FURIN: variants seen among roughly 807,000 people sequenced by gnomAD.
FURIN encodes FES upstream region.
Under a neutral mutation model 89.2 loss-of-function variants are expected in FURIN, and 18 were observed. That is an observed-to-expected ratio of 0.20 (90% CI 0.14 to 0.30). The LOEUF (loss-of-function observed/expected upper bound fraction) is 0.30. FURIN is among the 10% of genes least tolerant of loss of function. The pLI is 1.00. For missense variants in FURIN, 879 were observed against 1,100.5 expected (o/e 0.80, Z 2.85); for synonymous variants, 508 against 466.4 (o/e 1.09, Z -1.15).
Position 90,880,948 on chromosome 15 carries a change from C to T in FURIN, c.1700C>T (p.Thr567Ile). 1 of 1,614,002 alleles carries T rather than the reference C, an allele frequency of 6.2e-7. No homozygotes were observed. The change falls in exon 15 of 16, where the codon ACC becomes ATC. Residue 567 changes from threonine (T) to isoleucine (I), a missense_variant. By Grantham distance (89) the Thr-to-Ile change is moderately conservative (BLOSUM62 -1). Transcript: ENST00000268171. Reference sequence around the variant, plus strand: ...GGAACAGGGACGCTGACCAAGTTCACCCTCGTACTCTATGGCACCGCCCCT... The same window carrying T: ...GGAACAGGGACGCTGACCAAGTTCATCCTCGTACTCTATGGCACCGCCCCT... The part of the protein sequence containing the change: ...ANNYGTLTKF[T>I]LVLYGTAPEG...
In FURIN at chr15:90,880,004, T is replaced by C. The variant is rs754957176; in HGVS notation, c.1376+20T>C. 61 of 1,608,932 alleles carry C rather than the reference T, an allele frequency of 3.8e-5. No individual in the cohort carries two copies. Among genetic ancestry groups the C allele is most frequent in the Non-Finnish European group, 5.1e-5 (60 of 1,176,522 alleles). On this transcript the variant is annotated intron_variant, in intron 12 of 15. Transcript: ENST00000268171. ...GCCCAAGTGAGGGCTGGACCCAGGC[T>C]GGGAGGGGGCCAGTGGGACCTGAGA...
chr15:90,869,803 G>A (rs1441267015), intron 1 of FURIN, among the ~76,000 whole-genome samples: 1 of 152,212 alleles, frequency 6.6e-6, no homozygotes, highest in Admixed American at 6.5e-5. Context: ...CTATTTTTCT[G>A]GGCTGACCTT....
At chr15:90,874,814 A>G (rs1567082060) in intron 1 of FURIN, among the ~76,000 whole-genome samples, 1 of 152,238 alleles carries the variant, frequency 6.6e-6, no homozygotes, top group Non-Finnish European at 1.5e-5. Context: ...ACCACCGTTA[A>G]CATTTTTTAG....
In FURIN at chr15:90,881,764, C is replaced by G; in HGVS notation, c.2271C>G (p.Ile757Met). 6.2e-7 allele frequency: 1 copy of G among 1,612,366 alleles called. No individual in the cohort carries two copies. The highest frequency in any genetic ancestry group is 8.5e-7 in the Non-Finnish European group (1 of 1,179,220). The change falls in exon 16 of 16, where the codon ATC becomes ATG. Residue 757 changes from isoleucine (I) to methionine (M), a missense_variant. Ile to Met is a conservative substitution (Grantham distance 10, BLOSUM62 1). This residue lies in a region of FURIN where 457 missense variants were observed against 490.7 expected (regional missense o/e 0.93). Coordinates refer to ENST00000268171, the MANE Select transcript of FURIN (RefSeq NM_002569.4). This position sits in a 1 kb window ranked among gnomAD's most constrained non-coding sequence, Gnocchi z 4.3. The stretch of plus-strand genomic sequence containing the variant: ...TGTACACCATGGACCGTGGCCTCAT[C>G]TCCTACAAGGGGCTGCCCCCTGAAG... ...VKVYTMDRGL[I>M]SYKGLPPEAW...
At position 90,879,428 on chromosome 15, in the gene FURIN, A is replaced by G. The variant is rs757207788; in HGVS notation, c.1054-16A>G. 1.0e-5 allele frequency: 16 copies of G among 1,589,188 alleles called. No individual in the cohort carries two copies. In the South Asian group the frequency reaches 1.5e-4, roughly 15 times the overall value. ...TCCACCCATCACAGGCCCCAATATGATTCTCTTCCTGGCAGGTGACGACTG... is the reference window on the plus strand; with the variant it reads ...TCCACCCATCACAGGCCCCAATATGGTTCTCTTCCTGGCAGGTGACGACTG... On this transcript the variant is annotated splice_polypyrimidine_tract_variant and intron_variant, in intron 9 of 15. Coordinates refer to ENST00000268171, the MANE Select transcript of FURIN (RefSeq NM_002569.4).
At chr15:90,872,303 G>A (rs1390991130) in intron 1 of FURIN, among the ~76,000 whole-genome samples, 1 of 152,148 alleles carries the variant, frequency 6.6e-6, no homozygotes, top group Admixed American at 6.5e-5. Context: ...ACCAAGGGGC[G>A]GCCTGCTTGC....
chr15:90,875,836 C>T lies in FURIN; in HGVS notation c.96C>T (p.Asn32=), dbSNP rs1307538265. 6 of 1,575,822 alleles carry T rather than the reference C, an allele frequency of 3.8e-6. No homozygotes were observed. Among genetic ancestry groups the T allele is most frequent in the African/African-American group, 1.3e-5 (1 of 74,608 alleles). ...ADAQGQKVFT[N]TWAVRIPGGP... Reference sequence around the variant, plus strand: ...CTCAGGGCCAGAAGGTCTTCACCAACACGTGGGCTGTGCGCATCCCTGGAG... The same window carrying T: ...CTCAGGGCCAGAAGGTCTTCACCAATACGTGGGCTGTGCGCATCCCTGGAG... Residue 32 remains asparagine, a synonymous_variant, in exon 2 of 16, where the codon AAC becomes AAT. Transcript: ENST00000268171.
Position 90,876,523 on chromosome 15 carries a change from C to T in FURIN, c.338C>T (p.Pro113Leu). The T allele has an allele frequency of 1.2e-6, 2 of 1,613,884 alleles. No individual in the cohort carries two copies. The highest frequency in any genetic ancestry group is 1.7e-6 in the Non-Finnish European group (2 of 1,179,762). ...ACTAAACGGGACGTGTACCAGGAGC[C>T]CACAGACCCCAAGTTTCCTCAGCAG... is the stretch of plus-strand genomic sequence containing the variant. ...RRTKRDVYQE[P>L]TDPKFPQQWY... The change falls in exon 4 of 16, where the codon CCC (proline) becomes CTC (leucine). Residue 113 changes from proline (P) to leucine (L), a missense_variant. By Grantham distance (98) the Pro-to-Leu change is moderately conservative. Around this residue, in one of 5 missense-constraint regions of FURIN, gnomAD observed 139 missense variants for 215.0 expected, o/e 0.65. Transcript: ENST00000268171. This position sits in a 1 kb window ranked among gnomAD's most constrained non-coding sequence, Gnocchi z 5.0.
Position 90,868,637 on chromosome 15 carries a change from T to C in FURIN, c.-234T>C, listed in dbSNP as rs2031153943. Reference sequence around the variant, plus strand: ...CTGTGAAGGGATAGGAGCCTGACTGTTGCAGCTGCAGTGAGTGGCGGGGAA... The same window carrying C: ...CTGTGAAGGGATAGGAGCCTGACTGCTGCAGCTGCAGTGAGTGGCGGGGAA... On this transcript the variant is annotated 5_prime_UTR_variant, in exon 1 of 16. Transcript: ENST00000268171. 1 of 152,252 alleles carries C rather than the reference T, an allele frequency of 6.6e-6. No homozygotes were observed. Among genetic ancestry groups the C allele is most frequent in the Non-Finnish European group, 1.5e-5 (1 of 68,070 alleles). The allele number at this position is 152,252 out of a possible 1,614,324, so 9.4% of individuals were successfully genotyped here.
intron 8 of FURIN, 24 bp downstream of exon 8, chr15:90,878,328 C>T (rs1170028924): frequency 1.9e-6 from 3 of 1,546,630 alleles, no homozygotes; most frequent in African/African-American, 2.7e-5. Context: ...CTGTCCAGCC[C>T]CTGCGGGCAG....
chr15:90,876,386 C>G lies in FURIN; in HGVS notation c.276+33C>G, dbSNP rs773205181. 2 of 1,524,600 alleles carry G rather than the reference C, an allele frequency of 1.3e-6. No homozygotes were observed. Among genetic ancestry groups the G allele is most frequent in the Non-Finnish European group, 1.8e-6 (2 of 1,098,850 alleles). The allele number at this position is 1,524,600 out of a possible 1,614,324, so 94.4% of individuals were successfully genotyped here. On this transcript the variant is annotated intron_variant, in intron 3 of 15. Coordinates refer to ENST00000268171, the MANE Select transcript of FURIN (RefSeq NM_002569.4). This position sits in a 1 kb window ranked among gnomAD's most constrained non-coding sequence, Gnocchi z 5.0. ...TGGCCCCAGCCCCCTCCTGCTGCCA[C>G]CCTCCCCCTCCTGCTCTCAGGAGCC...
rs372083339 is a variant in FURIN, at chr15:90,881,521, C to G, written c.2028C>G (p.Ser676=). The change falls in exon 16 of 16, where the codon TCC becomes TCG. Residue 676 remains serine (S), a synonymous_variant. Coordinates refer to ENST00000268171, the MANE Select transcript of FURIN (RefSeq NM_002569.4). This position sits in a 1 kb window ranked among gnomAD's most constrained non-coding sequence, Gnocchi z 4.3. Reference sequence around the variant, plus strand: ...TGGACCCTGTGGAGCAGACTTGCTCCCGGCAAAGCCAGAGCAGCCGAGAGT... The same window carrying G: ...TGGACCCTGTGGAGCAGACTTGCTCGCGGCAAAGCCAGAGCAGCCGAGAGT... ...ASLDPVEQTC[S]RQSQSSRESP... 6.8e-6 allele frequency: 11 copies of G among 1,611,674 alleles called. 1 individual carries two copies. Among genetic ancestry groups the G allele is most frequent in the East Asian group, 4.5e-5 (2 of 44,860 alleles).
At chr15:90,875,028 AC>A (rs1263070650) in intron 1 of FURIN, among the ~76,000 whole-genome samples, 5 of 120,522 alleles carry the variant, frequency 4.1e-5, no homozygotes. Flanking sequence ...CTTCTGTTAC[AC>A]TTTTTTTTTT....
chr15:90,878,711 C>T (rs2151225666), intron 8 of FURIN, 53 bp from the exon 9 acceptor site: 1 of 1,098,390 alleles, frequency 9.1e-7, no homozygotes, highest in Non-Finnish European at 1.4e-6. Flanking sequence ...GTCCTCCTGC[C>T]AGCCCTCCCT....
Position 90,876,912 on chromosome 15 carries a change from G to C in FURIN, c.389G>C (p.Arg130Pro). ...QQWYLSGVTQ[R>P]DLNVKAAWAQ... The stretch of plus-strand genomic sequence containing the variant: ...TCTCCACAGTCTGGTGTCACTCAGC[G>C]GGACCTGAATGTGAAGGCGGCCTGG... The change falls in exon 5 of 16, where the codon CGG becomes CCG. Residue 130 changes from arginine to proline, a missense_variant. Arg to Pro is a moderately radical substitution (Grantham distance 103). This residue lies in a region of FURIN where 139 missense variants were observed against 215.0 expected (regional missense o/e 0.65). Transcript: ENST00000268171. This position sits in a 1 kb window ranked among gnomAD's most constrained non-coding sequence, Gnocchi z 5.0. 4 of 1,614,128 alleles carry C rather than the reference G, an allele frequency of 2.5e-6. No homozygotes were observed. Among genetic ancestry groups the C allele is most frequent in the Middle Eastern group, 1.6e-4 (1 of 6,062 alleles).
Position 90,881,179 on chromosome 15 carries a change from G to A in FURIN, c.1793-107G>A, listed in dbSNP as rs1225718892. 1 of 1,112,360 alleles carries A rather than the reference G, an allele frequency of 9.0e-7. No homozygotes were observed. Among genetic ancestry groups the A allele is most frequent in the Non-Finnish European group, 1.3e-6 (1 of 757,430 alleles). 68.9% of individuals were successfully genotyped at this position (1,112,360 alleles called of 1,614,324 possible). On this transcript the variant is annotated intron_variant, in intron 15 of 15. Coordinates refer to ENST00000268171, the MANE Select transcript of FURIN (RefSeq NM_002569.4). The surrounding 1 kb of genome is among the most constrained non-coding windows in gnomAD (Gnocchi z 4.3). ...GGCTCTTGGGATGACCACAGTCCTG[G>A]GGCTGGAGGATCCTGGGGATGTGGT... is the stretch of plus-strand genomic sequence containing the variant.
intron 1 of FURIN, chr15:90,872,816 C>G (rs1459073408): frequency 1.3e-5 from 2 of 152,252 alleles, no homozygotes; most frequent in Non-Finnish European, 2.9e-5. Context: ...GATTGGGTGT[C>G]CGAGTGGCCC....
In FURIN at chr15:90,881,978, G is replaced by A; in HGVS notation, c.*100G>A. 1.1e-6 allele frequency: 1 copy of A among 886,314 alleles called. No individual in the cohort carries two copies. The highest frequency in any genetic ancestry group is 1.7e-6 in the Non-Finnish European group (1 of 571,572). The allele number at this position is 886,314 out of a possible 1,614,324, so 54.9% of individuals were successfully genotyped here. A position where few individuals can be genotyped will look rare whatever the true frequency, so the allele number is the denominator to read the frequency against. ...TTGGGACTGGGTTTGGACCCCAGCTGGGAGGCAAGAGGGGTGGAGACTGCT... is the reference window on the plus strand; with the variant it reads ...TTGGGACTGGGTTTGGACCCCAGCTAGGAGGCAAGAGGGGTGGAGACTGCT... On this transcript the variant is annotated 3_prime_UTR_variant, in exon 16 of 16. Transcript: ENST00000268171. This position sits in a 1 kb window ranked among gnomAD's most constrained non-coding sequence, Gnocchi z 4.3.
In FURIN at chr15:90,876,498, A is replaced by G; in HGVS notation, c.313A>G (p.Thr105Ala). 1 of 1,613,964 alleles carries G rather than the reference A, an allele frequency of 6.2e-7. No homozygotes were observed. Among genetic ancestry groups the G allele is most frequent in the African/African-American group, 1.3e-5 (1 of 75,016 alleles). ...WLEQQVAKRR[T>A]KRDVYQEPTD... ...GGAACAGCAGGTGGCAAAGCGACGG[A>G]CTAAACGGGACGTGTACCAGGAGCC... The change falls in exon 4 of 16, where the codon ACT (threonine) becomes GCT (alanine). Residue 105 changes from threonine (T) to alanine (A), a missense_variant. Physicochemically the swap from Thr to Ala is moderately conservative, Grantham distance 58 (BLOSUM62 0). Around this residue, in one of 5 missense-constraint regions of FURIN, gnomAD observed 139 missense variants for 215.0 expected, o/e 0.65. Coordinates refer to ENST00000268171, the MANE Select transcript of FURIN (RefSeq NM_002569.4). This position sits in a 1 kb window ranked among gnomAD's most constrained non-coding sequence, Gnocchi z 5.0.
Sources: gnomAD v4.1 joint callset for allele counts (sites outside exome capture counted in the v4.1 genomes callset) on GRCh38, gnomAD v4.1.1 for gene constraint, gnomAD v4.1.1 regional missense constraint, Gnocchi (gnomAD v3.1) non-coding constraint, MANE v1.5 for transcripts, NCBI Gene and HGNC (gene_info 2026-07-23, HGNC 2026-07-21) for gene names.